Variants in NACAD observed in about 807,000 individuals in gnomAD.
The protein encoded by NACAD is NAC alpha domain containing, also known as NAC-alpha domain-containing protein 1.
Under a neutral mutation model 98.9 loss-of-function variants are expected in NACAD, and 47 were observed. That is an observed-to-expected ratio of 0.48 (90% confidence interval 0.38 to 0.61). NACAD has a LOEUF of 0.61. Among genes scored for constraint, NACAD ranks in the 20% least tolerant of loss-of-function variants. NACAD has a pLI of 0.00. For synonymous variants in NACAD, 696 were observed against 767.2 expected (o/e 0.91, Z 1.53); for missense variants, 1,412 against 1,748.2 (o/e 0.81, Z 3.43).
At chr7:45,087,405 A>G (rs545990340) in intron 1 of NACAD, among the ~76,000 whole-genome samples, 4 of 152,324 alleles carry the variant, frequency 2.6e-5, no homozygotes, top group South Asian at 2.1e-4. Flanking sequence ...GAAGCATCCA[A>G]TGAAGGCCCT....
intron 1 of NACAD, among the ~76,000 whole-genome samples, chr7:45,087,830 C>T (rs113944896): frequency 0.019 from 2,842 of 152,326 alleles, 52 homozygotes; most frequent in Non-Finnish European, 0.023. Context: ...AAGCTGGGCT[C>T]TTGGTTCTGG....
At chr7:45,081,552 C>A in intron 4 of NACAD, 49 bp downstream of exon 4, 1 of 1,547,570 alleles carries the variant, frequency 6.5e-7, no homozygotes, top group Non-Finnish European at 8.7e-7. Context: ...GGACGTTCCC[C>A]ACACAGATGG....
chr7:45,084,701 G>T lies in NACAD; in HGVS notation c.1479C>A (p.Gly493=), dbSNP rs1784484165. Reference sequence around the variant, plus strand: ...CTCTGGTAGCCACCTCCACCTGGAGGCCTGGGGCTACCTGCAGAGTGTGAG... The same window carrying T: ...CTCTGGTAGCCACCTCCACCTGGAGTCCTGGGGCTACCTGCAGAGTGTGAG... The part of the protein sequence containing the change: ...VTPHTLQVAP[G]LQVEVATRVT... Residue 493 remains glycine (G), a synonymous_variant, in exon 2 of 8, where the codon GGC becomes GGA. Coordinates refer to ENST00000490531, the MANE Select transcript of NACAD (RefSeq NM_001146334.2). 1 of 1,550,920 alleles carries T rather than the reference G, an allele frequency of 6.4e-7. No individual in the cohort carries two copies. Among genetic ancestry groups the T allele is most frequent in the African/African-American group, 1.4e-5 (1 of 72,914 alleles).
rs191131570 is a variant in NACAD, at chr7:45,081,648, T to A, written c.4210A>T (p.Thr1404Ser). The A allele has an allele frequency of 2.3e-4, 362 of 1,551,350 alleles. No homozygotes were observed. Among genetic ancestry groups the A allele is most frequent in the Middle Eastern group, 5.0e-4 (3 of 5,992 alleles). Reference sequence around the variant, plus strand: ...CGACTCTGCTTGGCTTTGGCGATGGTCTCCTCACTGCCGCCTGCTGGGGCC... The same window carrying A: ...CGACTCTGCTTGGCTTTGGCGATGGACTCCTCACTGCCGCCTGCTGGGGCC... ...AQAPAGGSEE[T>S]IAKAKQSRSE... The change falls in exon 4 of 8, where the codon ACC becomes TCC. Residue 1404 changes from threonine to serine, a missense_variant. Physicochemically the swap from Thr to Ser is moderately conservative, Grantham distance 58. This residue lies in a region of NACAD where 572 missense variants were observed against 639.6 expected (regional missense o/e 0.89). Coordinates refer to ENST00000490531, the MANE Select transcript of NACAD (RefSeq NM_001146334.2).
rs1214848553 is a variant in NACAD, at chr7:45,081,231, C to A, written c.4290G>T (p.Gln1430His). The change falls in exon 5 of 8, where the codon CAG (glutamine) becomes CAT (histidine). Residue 1430 changes from glutamine to histidine, a missense_variant. Coordinates refer to ENST00000490531, the MANE Select transcript of NACAD (RefSeq NM_001146334.2). ...TCTGGATGGTGATCCTGGTGACTCC[C>A]TGAATCTGCCGCAAGCCCAGCTTTG... ...AMSKLGLRQI[Q>H]GVTRITIQKS... 1 of 1,551,348 alleles carries A rather than the reference C, an allele frequency of 6.4e-7. No homozygotes were observed. Among genetic ancestry groups the A allele is most frequent in the Non-Finnish European group, 8.7e-7 (1 of 1,147,014 alleles).
intron 6 of NACAD, 44 bp from the exon 7 acceptor site, chr7:45,080,806 C>T (rs1348058418): frequency 1.3e-6 from 2 of 1,549,624 alleles, no homozygotes; most frequent in African/African-American, 2.7e-5. Context: ...TGCTTGAGGT[C>T]CCTGGGGCAG....
chr7:45,087,483 T>G (rs1246193418), intron 1 of NACAD, among the ~76,000 whole-genome samples: 1 of 152,232 alleles, frequency 6.6e-6, no homozygotes, highest in Non-Finnish European at 1.5e-5. Flanking sequence ...CTCTCCAGGC[T>G]GCAGATGCCT....
rs1784476663 is a variant in NACAD, at chr7:45,084,329, T to C, written c.1851A>G (p.Pro617=). 7.1e-7 allele frequency: 1 copy of C among 1,411,532 alleles called. No homozygotes were observed. The highest frequency in any genetic ancestry group is 1.5e-5 in the African/African-American group (1 of 65,126). 87.4% of individuals were successfully genotyped at this position (1,411,532 alleles called of 1,614,324 possible). The part of the protein sequence containing the change: ...PLQDTDLSSA[P]KPVAAATIVS... ...CAATCGTGGCTGCAGCCACAGGCTT[T>C]GGGGCTGATGAGAGATCTGTGTCTT... is the stretch of plus-strand genomic sequence containing the variant. Residue 617 remains proline (P), a synonymous_variant, in exon 2 of 8, where the codon CCA becomes CCG. Transcript: ENST00000490531.
Position 45,084,702 on chromosome 7 carries a change from C to T in NACAD, c.1478G>A (p.Gly493Asp). The change falls in exon 2 of 8, where the codon GGC (glycine) becomes GAC (aspartate). Residue 493 changes from glycine to aspartate, a missense_variant. This residue lies in a region of NACAD where 638 missense variants were observed against 722.7 expected (regional missense o/e 0.88). Coordinates refer to ENST00000490531, the MANE Select transcript of NACAD (RefSeq NM_001146334.2). ...VTPHTLQVAP[G>D]LQVEVATRVT... ...TCTGGTAGCCACCTCCACCTGGAGG[C>T]CTGGGGCTACCTGCAGAGTGTGAGG... The T allele has an allele frequency of 1.3e-6, 2 of 1,550,938 alleles. No individual in the cohort carries two copies. The highest frequency in any genetic ancestry group is 2.4e-5 in the East Asian group (1 of 40,860).
rs1406959690 is a variant in NACAD at position 45,081,123 on chromosome 7, C to T, written c.4398G>A (p.Glu1466=). ...CCACAGCCGCCACCCAGACCTTGGC[C>T]TCGCCAAAGACCACATAAGTGTCTG... ...PASDTYVVFG[E]AKIEDLSQQV... Residue 1466 remains glutamate (E), a synonymous_variant, in exon 5 of 8, where the codon GAG becomes GAA. Transcript: ENST00000490531. 1 of 1,551,524 alleles carries T rather than the reference C, an allele frequency of 6.4e-7. No individual in the cohort carries two copies. Among genetic ancestry groups the T allele is most frequent in the Admixed American group, 2.0e-5 (1 of 51,006 alleles).
Position 45,081,880 on chromosome 7 carries a change from A to G in NACAD, c.4073-13T>C, listed in dbSNP as rs2128640310. ...GCCCGAGGCGAGTCTGGGGAAGGGG[A>G]GAGGTGTGAGGATGGCCTTTTGCTT... On this transcript the variant is annotated splice_polypyrimidine_tract_variant and intron_variant, in intron 2 of 7. Transcript: ENST00000490531. The G allele has an allele frequency of 6.5e-7, 1 of 1,541,274 alleles. No homozygotes were observed. Among genetic ancestry groups the G allele is most frequent in the East Asian group, 2.4e-5 (1 of 40,868 alleles).
intron 1 of NACAD, among the ~76,000 whole-genome samples, chr7:45,086,642 C>T (rs577530226): frequency 4.6e-5 from 7 of 152,372 alleles, no homozygotes; most frequent in Admixed American, 4.6e-4. Flanking sequence ...GCTGTCCTTG[C>T]TACCTACACT....
chr7:45,087,432 G>T (rs894170759), intron 1 of NACAD, among the ~76,000 whole-genome samples: 5 of 152,246 alleles, frequency 3.3e-5, no homozygotes, highest in Admixed American at 3.3e-4. Context: ...CCCAGGCCAG[G>T]TCTTGCCCAA....
rs73692203 is a variant in NACAD at position 45,086,064 on chromosome 7, C to T, written c.116G>A (p.Arg39Gln). Reference protein sequence around the residue: ...AAATTILGGDRREPCALTPGP... With the variant: ...AAATTILGGDQREPCALTPGP... The stretch of plus-strand genomic sequence containing the variant: ...TGGGGTCAGAGCACAGGGCTCCCGC[C>T]GGTCCCCTCCCAGGATGGTGGTGGC... Residue 39 changes from arginine to glutamine, a missense_variant, in exon 2 of 8, where the codon CGG becomes CAG. Transcript: ENST00000490531. 1.9e-3 allele frequency: 2,914 copies of T among 1,536,190 alleles called. 44 individuals are homozygous for T. The African/African-American group carries it at 0.035, about 18-fold the overall frequency.
chr7:45,085,649 G>A lies in NACAD; in HGVS notation c.531C>T (p.Pro177=). 6.5e-7 allele frequency: 1 copy of A among 1,548,514 alleles called. No individual in the cohort carries two copies. Residue 177 remains proline (P), a synonymous_variant, in exon 2 of 8, where the codon CCC becomes CCT. Transcript: ENST00000490531. This position sits in a 1 kb window ranked among gnomAD's most constrained non-coding sequence, Gnocchi z 6.1. The stretch of plus-strand genomic sequence containing the variant: ...CATAGGTGGTCTTGGTGGGGGTGGA[G>A]GGAGGCGTGAAGAAGGAATCAGGGT... ...PPDPDSFFTP[P]STPTKTTYAL... is the part of the protein sequence containing the mutation.
rs1219082410 is a variant in NACAD, at chr7:45,085,827, C to T, written c.353G>A (p.Arg118Gln). Residue 118 changes from arginine to glutamine, a missense_variant, in exon 2 of 8, where the codon CGG becomes CAG. This residue lies in a region of NACAD where 638 missense variants were observed against 722.7 expected (regional missense o/e 0.88). Transcript: ENST00000490531. The surrounding 1 kb of genome is among the most constrained non-coding windows in gnomAD (Gnocchi z 6.1). ...GCACGTCTCCTCTCCCATCACAATC[C>T]GGGGCTCCAGGGTGGCCGGGAGAGG... is the stretch of plus-strand genomic sequence containing the variant. ...EAPLPATLEP[R>Q]IVMGEETCQA... 15 of 1,539,584 alleles carry T rather than the reference C, an allele frequency of 9.7e-6. No homozygotes were observed. Among genetic ancestry groups the T allele is most frequent in the South Asian group, 1.2e-5 (1 of 82,370 alleles).
At position 45,084,613 on chromosome 7, in the gene NACAD, C is replaced by A. The variant is rs912658956; in HGVS notation, c.1567G>T (p.Ala523Ser). Residue 523 changes from alanine to serine, a missense_variant, in exon 2 of 8, where the codon GCA becomes TCA. Transcript: ENST00000490531. ...STAGQESAAM[A>S]MPQPSQEGIS... ...CCCTCCTGGGAGGGCTGAGGCATTGCCATGGCAGCAGATTCTTGTCCAGCG... is the reference window on the plus strand; with the variant it reads ...CCCTCCTGGGAGGGCTGAGGCATTGACATGGCAGCAGATTCTTGTCCAGCG... 2.6e-6 allele frequency: 4 copies of A among 1,551,582 alleles called. No individual in the cohort carries two copies. In the African/African-American group the frequency reaches 5.5e-5, roughly 21 times the overall value.
Position 45,082,601 on chromosome 7 carries a change from T to C in NACAD, c.3579A>G (p.Gln1193=). The C allele has an allele frequency of 6.5e-7, 1 of 1,537,770 alleles. No individual in the cohort carries two copies. The highest frequency in any genetic ancestry group is 8.8e-7 in the Non-Finnish European group (1 of 1,140,382). ...EPVLGLGSVE[Q]PHEVPSVLGT... ...CAAGGACACTGGGTACTTCGTGGGG[T>C]TGCTCAACACTGCCCAGACCCAGTA... Residue 1193 remains glutamine, a synonymous_variant, in exon 2 of 8, where the codon CAA becomes CAG. Transcript: ENST00000490531. The surrounding 1 kb of genome is among the most constrained non-coding windows in gnomAD (Gnocchi z 4.5).
At chr7:45,086,311 G>A (rs1446207348) in intron 1 of NACAD, among the ~76,000 whole-genome samples, 199 bp from the exon 2 acceptor site, 1 of 152,242 alleles carries the variant, frequency 6.6e-6, no homozygotes, top group Admixed American at 6.5e-5. Flanking sequence ...GCAGATGCTA[G>A]TGGTTTCCTA....
Sources: allele counts gnomAD v4.1 joint callset (sites outside exome capture counted in the v4.1 genomes callset), GRCh38; gene constraint gnomAD v4.1.1; regional missense constraint gnomAD v4.1.1; non-coding constraint Gnocchi (gnomAD v3.1); transcripts MANE v1.5; gene names NCBI Gene and HGNC (gene_info 2026-07-23, HGNC 2026-07-21).